GLT8D2: variants seen among roughly 807,000 people sequenced by gnomAD.
The protein encoded by GLT8D2 is glycosyltransferase 8 domain containing 2.
A neutral mutation model predicts 44.5 loss-of-function variants in GLT8D2; 45 were observed. The ratio of observed to expected loss-of-function variants is 1.01; its 90% CI spans 0.80 to 1.30. The LOEUF is 1.30. Ranked by LOEUF, GLT8D2 falls within the 50% of genes most tolerant of loss-of-function variation. GLT8D2 has a pLI of 0.00. For synonymous variants in GLT8D2, 156 were observed against 157.2 expected (o/e 0.99, Z 0.06); for missense variants, 400 against 430.4 (o/e 0.93, Z 0.62).
At chr12:104,037,208 A>G (rs924598335) in intron 1 of GLT8D2, among the ~76,000 whole-genome samples, 3 of 152,146 alleles carry the variant, frequency 2.0e-5, no homozygotes, top group Non-Finnish European at 4.4e-5. Context: ...ACAAGAGAAA[A>G]CAGGAAAGAT....
chr12:104,023,967 G>A (rs932420896), intron 1 of GLT8D2, among the ~76,000 whole-genome samples: 1 of 152,054 alleles, frequency 6.6e-6, no homozygotes, highest in Non-Finnish European at 1.5e-5. Flanking sequence ...CCATTGTTTT[G>A]TGATTATGAA....
chr12:104,022,704 C>T (rs1486906984), intron 1 of GLT8D2, among the ~76,000 whole-genome samples: 2 of 151,868 alleles, frequency 1.3e-5, no homozygotes, highest in African/African-American at 2.4e-5. Flanking sequence ...TCAAATCATA[C>T]TAATGTATTA....
chr12:104,009,719 G>T (rs1875566501), intron 4 of GLT8D2, among the ~76,000 whole-genome samples: 1 of 152,222 alleles, frequency 6.6e-6, no homozygotes, highest in Non-Finnish European at 1.5e-5. Context: ...CATGTTGTGG[G>T]AGGGACCCAG....
rs537104253 is a variant in GLT8D2 at position 104,003,783 on chromosome 12, C to G, written c.113-477G>C. On this transcript the variant is annotated intron_variant, in intron 4 of 10. Transcript: ENST00000360814. ...GTGGAACTGATACATCAGACTTATA[C>G]TTGAGAGAGGAAATAAACTTCTATT... is the stretch of plus-strand genomic sequence containing the variant. Among the ~76,000 whole-genome samples the G allele has an allele frequency of 2.1e-4, 32 of 152,256 alleles. 1 individual carries two copies. The highest frequency in any genetic ancestry group is 7.5e-4 in the African/African-American group (31 of 41,558).
chr12:104,033,520 C>T (rs568952044), intron 1 of GLT8D2, among the ~76,000 whole-genome samples: 5 of 152,172 alleles, frequency 3.3e-5, no homozygotes, highest in Admixed American at 6.5e-5. Context: ...GGGGAAATGT[C>T]GGTCAAAGGG....
intron 1 of GLT8D2, among the ~76,000 whole-genome samples, chr12:104,059,752 A>G (rs1222077026): frequency 6.6e-6 from 1 of 152,084 alleles, no homozygotes; most frequent in Non-Finnish European, 1.5e-5. Context: ...CCCAGCCTCA[A>G]TAATGAGAGG....
At chr12:103,993,543 C>G in intron 9 of GLT8D2, 39 bp from the exon 10 acceptor site, 1 of 1,320,644 alleles carries the variant, frequency 7.6e-7, no homozygotes, top group African/African-American at 1.5e-5. Context: ...TGGCCTGGAG[C>G]CCCCACAAAC....
chr12:104,036,857 T>C (rs1593564044), intron 1 of GLT8D2, among the ~76,000 whole-genome samples: 1 of 152,172 alleles, frequency 6.6e-6, no homozygotes, highest in African/African-American at 2.4e-5. Context: ...CAACAGAATA[T>C]ACATTTTTCT....
intron 4 of GLT8D2, among the ~76,000 whole-genome samples, 178 bp downstream of exon 4, chr12:104,014,835 C>A (rs959899811): frequency 6.6e-6 from 1 of 152,176 alleles, no homozygotes; most frequent in Non-Finnish European, 1.5e-5. Flanking sequence ...TTGAATAGCA[C>A]CGACCATCCT....
At chr12:104,047,306 T>G (rs952961592) in intron 1 of GLT8D2, among the ~76,000 whole-genome samples, 10 of 45,148 alleles carry the variant, frequency 2.2e-4, no homozygotes, top group African/African-American at 7.8e-4. Context: ...CTCTTAGGCC[T>G]TTTTTTTTTT....
chr12:104,010,218 C>G (rs1027463630), intron 4 of GLT8D2, among the ~76,000 whole-genome samples: 6 of 152,092 alleles, frequency 3.9e-5, no homozygotes, highest in African/African-American at 1.4e-4. Context: ...CACAAGACCC[C>G]TCATGATCCA....
intron 10 of GLT8D2, 52 bp from the exon 11 acceptor site, chr12:103,989,629 TG>T (rs777516869): frequency 3.5e-6 from 5 of 1,440,626 alleles, no homozygotes; most frequent in Non-Finnish European, 4.8e-6. Flanking sequence ...ATAACATTTT[TG>T]TATTATAAAT....
chr12:104,032,545 G>A (rs1156865345), intron 1 of GLT8D2, among the ~76,000 whole-genome samples: 7 of 140,792 alleles, frequency 5.0e-5, no homozygotes, highest in African/African-American at 1.6e-4. Flanking sequence ...AAATGGCCAA[G>A]AGGTATATGA....
At chr12:104,059,214 A>G (rs1351000605) in intron 1 of GLT8D2, among the ~76,000 whole-genome samples, 2 of 152,354 alleles carry the variant, frequency 1.3e-5, no homozygotes, top group East Asian at 3.9e-4. Context: ...TAGAGAATTA[A>G]TGTATCTATT....
intron 8 of GLT8D2, among the ~76,000 whole-genome samples, chr12:103,994,976 A>C (rs1227193116): frequency 6.6e-6 from 1 of 152,076 alleles, no homozygotes; most frequent in Non-Finnish European, 1.5e-5. Flanking sequence ...TGGGCAAAAA[A>C]CCTGGGGTCA....
chr12:103,994,360 C>T lies in GLT8D2; in HGVS notation c.742G>A (p.Glu248Lys), dbSNP rs1332176405. ...WKHQRITKQLEKWMQKNVEEN... is the reference protein window; with the variant it reads ...WKHQRITKQLKKWMQKNVEEN... ...TCCACATTCTTTTGCATCCATTTCT[C>T]CAATTGCTTGGTGATGCGCTGGTGC... Residue 248 changes from glutamate to lysine, a missense_variant, in exon 9 of 11, where the codon GAG (glutamate) becomes AAG (lysine). Glu to Lys is a moderately conservative substitution (Grantham distance 56). Coordinates refer to ENST00000360814, the MANE Select transcript of GLT8D2 (RefSeq NM_001384711.1). 4.2e-5 allele frequency: 68 copies of T among 1,612,508 alleles called. No homozygotes were observed. The highest frequency in any genetic ancestry group is 5.6e-5 in the Non-Finnish European group (66 of 1,179,250).
intron 1 of GLT8D2, among the ~76,000 whole-genome samples, chr12:104,059,858 C>A (rs1318900313): frequency 6.6e-6 from 1 of 152,162 alleles, no homozygotes; most frequent in Non-Finnish European, 1.5e-5. Flanking sequence ...GTCTCACCAT[C>A]CAAAATAATA....
intron 3 of GLT8D2, among the ~76,000 whole-genome samples, chr12:104,016,735 G>GAAAGAA (rs1876721567): frequency 1.2e-5 from 1 of 85,428 alleles, no homozygotes; most frequent in East Asian, 4.0e-4. Flanking sequence ...AAGAAAGAAA[G>GAAAGAA]AAAGAAAGAA....
intron 6 of GLT8D2, among the ~76,000 whole-genome samples, chr12:103,998,269 C>T (rs1873743300): frequency 6.7e-6 from 1 of 149,754 alleles, no homozygotes; most frequent in Non-Finnish European, 1.5e-5. Flanking sequence ...GGGTCTCTCT[C>T]TGTTGCCCAG....
Sources: gnomAD v4.1 joint callset for allele counts (sites outside exome capture counted in the v4.1 genomes callset) on GRCh38, gnomAD v4.1.1 for gene constraint, MANE v1.5 for transcripts, NCBI Gene and HGNC (gene_info 2026-07-23, HGNC 2026-07-21) for gene names.